Variants in RPL13 observed in about 807,000 individuals in gnomAD.
The protein encoded by RPL13 is ribosomal protein L13.
RPL13 carries 1 observed loss-of-function variant against 21.4 expected under a neutral mutation model. The observed-to-expected ratio is 0.05, with a 90% CI of 0.02 to 0.22. The LOEUF (loss-of-function observed/expected upper bound fraction) is 0.22, where lower values mean the gene tolerates loss of function less well. Among genes scored for constraint, RPL13 ranks in the 10% least tolerant of loss-of-function variants. The pLI, the probability that RPL13 is intolerant of heterozygous loss-of-function variation, is 1.00. For missense variants in RPL13, 289 were observed against 303.0 expected, an observed-to-expected ratio of 0.95 and a Z score of 0.34; for synonymous variants, 143 against 120.5, an observed-to-expected ratio of 1.19 and a Z score of -1.23.
chr16:89,562,435 T>G (rs1167943656), intron 5 of RPL13, 44 bp downstream of exon 5: 1 of 1,585,242 alleles, frequency 6.3e-7, no homozygotes, highest in Non-Finnish European at 8.6e-7. Flanking sequence ...ACGAGATCAG[T>G]GGGTGAACAC....
In RPL13 at chr16:89,560,729, C is replaced by G; in HGVS notation, c.-21+17C>G. The G allele has an allele frequency of 4.0e-6, 2 of 497,212 alleles. No individual in the cohort carries two copies. Among genetic ancestry groups the G allele is most frequent in the Non-Finnish European group, 7.1e-6 (2 of 282,902 alleles). 30.8% of individuals were successfully genotyped at this position (497,212 alleles called of 1,614,324 possible). A position where few individuals can be genotyped will look rare whatever the true frequency, so the allele number is the denominator to read the frequency against. On this transcript the variant is annotated intron_variant, in intron 1 of 5. Transcript: ENST00000311528. Reference sequence around the variant, plus strand: ...GCGCAGGAGGTGAGGGAGACTGGGTCCTGGCCTTTGGGCATCATCCAGCGC... The same window carrying G: ...GCGCAGGAGGTGAGGGAGACTGGGTGCTGGCCTTTGGGCATCATCCAGCGC...
At chr16:89,562,531 A>G (rs2058752963) in intron 5 of RPL13, 140 bp downstream of exon 5, 1 of 731,564 alleles carries the variant, frequency 1.4e-6, no homozygotes, top group Admixed American at 3.5e-5. Context: ...GCGGAAAGGA[A>G]CATTTCTTCT....
At position 89,561,573 on chromosome 16, in the gene RPL13, G is replaced by C. The variant is rs1326928321; in HGVS notation, c.247-5G>C. 4 of 1,613,296 alleles carry C rather than the reference G, an allele frequency of 2.5e-6. No homozygotes were observed. The highest frequency in any genetic ancestry group is 3.4e-6 in the Non-Finnish European group (4 of 1,180,034). On this transcript the variant is annotated splice_polypyrimidine_tract_variant and splice_region_variant and intron_variant, in intron 3 of 5. Transcript: ENST00000311528. ...TGTCTCCATCTCTCTCTGGTTCTGG[G>C]GCAGGTGGCCGGCATTCACAAGAAG...
rs1181129234 is a variant in RPL13, at chr16:89,564,328, T to C, written c.*1286T>C. 2 of 152,202 alleles carry C rather than the reference T, an allele frequency of 1.3e-5. No individual in the cohort carries two copies. Among genetic ancestry groups the C allele is most frequent in the Non-Finnish European group, 2.9e-5 (2 of 68,044 alleles). The allele number at this position is 152,202 out of a possible 1,614,324, so 9.4% of individuals were successfully genotyped here. A position where few individuals can be genotyped will look rare whatever the true frequency, so the allele number is the denominator to read the frequency against. On this transcript the variant is annotated 3_prime_UTR_variant, in exon 6 of 6. Coordinates refer to ENST00000311528, the MANE Select transcript of RPL13 (RefSeq NM_000977.4). ...AACATCTAAACATCTAGTAGATGAC[T>C]TGCAGGCTGTTGGCTACCAGTTTCC...
In RPL13 at chr16:89,563,013, G is replaced by A. The variant is rs754106693; in HGVS notation, c.607G>A (p.Ala203Thr). 1.4e-5 allele frequency: 22 copies of A among 1,560,312 alleles called. No individual in the cohort carries two copies. The highest frequency in any genetic ancestry group is 2.8e-5 in the African/African-American group (2 of 72,036). Reference sequence around the variant, plus strand: ...ACGGGCAAAAAGAGCCAAGGAAGCCGCAGAACAGGATGTTGAAAAGAAAAA... The same window carrying A: ...ACGGGCAAAAAGAGCCAAGGAAGCCACAGAACAGGATGTTGAAAAGAAAAA... ...GIRAKRAKEAAEQDVEKKK is the reference protein window; with the variant it reads ...GIRAKRAKEATEQDVEKKK The change falls in exon 6 of 6, where the codon GCA (alanine) becomes ACA (threonine). Residue 203 changes from alanine (A) to threonine (T), a missense_variant. Coordinates refer to ENST00000311528, the MANE Select transcript of RPL13 (RefSeq NM_000977.4).
At chr16:89,562,143 C>T in intron 4 of RPL13, 192 bp from the exon 5 acceptor site, 1 of 633,660 alleles carries the variant, frequency 1.6e-6, no homozygotes, top group East Asian at 2.9e-5. Flanking sequence ...CGTGTTGCGT[C>T]AACTCAGTAA....
downstream of RPL13, chr16:89,566,132 C>T (rs1327641502): frequency 6.8e-6 from 1 of 146,178 alleles, no homozygotes; most frequent in Non-Finnish European, 1.5e-5. Context: ...GGGGCAGCCT[C>T]CCACAGTGGG....
At chr16:89,560,867 G>A (rs982012574) in intron 1 of RPL13, 73 bp from the exon 2 acceptor site, 26 of 1,140,164 alleles carry the variant, frequency 2.3e-5, no homozygotes, top group African/African-American at 3.2e-5. Context: ...AGTCTGGAGG[G>A]TTCGGGGCGG....
At chr16:89,561,389 G>C in intron 3 of RPL13, 21 bp downstream of exon 3, 5 of 1,610,914 alleles carry the variant, frequency 3.1e-6, no homozygotes, top group South Asian at 2.2e-5. Flanking sequence ...GCAGCGCTGC[G>C]GTGTCAGGAA....
At chr16:89,564,823 A>T (rs1242374620), downstream of RPL13, 1 of 152,932 alleles carries the variant, frequency 6.5e-6, no homozygotes, top group Admixed American at 6.5e-5. Flanking sequence ...CTCCCTGCCC[A>T]CACCGCACTA....
downstream of RPL13, chr16:89,566,809 A>G (rs1458995214): frequency 2.0e-5 from 3 of 152,208 alleles, no homozygotes; most frequent in Non-Finnish European, 1.5e-5. Context: ...TGTTAAAAAT[A>G]TATGTAATTG....
chr16:89,565,172 A>T (rs1212101466), downstream of RPL13: 3 of 151,994 alleles, frequency 2.0e-5, no homozygotes, highest in Non-Finnish European at 4.4e-5. Flanking sequence ...CTAACAGGAG[A>T]GGATGGGCTT....
In RPL13 at chr16:89,561,070, C is replaced by T. The variant is rs755800828; in HGVS notation, c.104+7C>T. ...CGGCCCGTAAGATCCGCAGGTGAGC[C>T]CTGCGCTCGGGGCTGCCCCTGGGGC... On this transcript the variant is annotated splice_region_variant and intron_variant, in intron 2 of 5. Coordinates refer to ENST00000311528, the MANE Select transcript of RPL13 (RefSeq NM_000977.4). 1.4e-5 allele frequency: 23 copies of T among 1,601,468 alleles called. 1 individual carries two copies. In the Middle Eastern group the frequency reaches 1.4e-3, roughly 99 times the overall value.
At chr16:89,562,241 A>T (rs1260381917) in intron 4 of RPL13, 94 bp from the exon 5 acceptor site, 1 of 1,213,040 alleles carries the variant, frequency 8.2e-7, no homozygotes, top group East Asian at 2.3e-5. Context: ...GGTCCTGAAC[A>T]CGGAATCCCC....
At chr16:89,562,302 CA>C in intron 4 of RPL13, 32 bp from the exon 5 acceptor site, 1 of 1,610,024 alleles carries the variant, frequency 6.2e-7, no homozygotes, top group Non-Finnish European at 8.5e-7. Flanking sequence ...GCAGTGCGGC[CA>C]ACCCCACTTA....
At chr16:89,564,837 GA>G (rs1183456836), downstream of RPL13, 1 of 152,954 alleles carries the variant, frequency 6.5e-6, no homozygotes, top group Non-Finnish European at 1.5e-5. Flanking sequence ...CGCACTAGGG[GA>G]AGGGCCTTTC....
At chr16:89,566,621 T>C (rs1344220536), downstream of RPL13, 1 of 149,004 alleles carries the variant, frequency 6.7e-6, no homozygotes, top group Non-Finnish European at 1.5e-5. Flanking sequence ...CCGAGATCGC[T>C]CCACTGTCCT....
chr16:89,562,794 C>A, intron 5 of RPL13, 90 bp from the exon 6 acceptor site: 3 of 1,362,236 alleles, frequency 2.2e-6, no homozygotes, highest in South Asian at 3.4e-5. Flanking sequence ...GACCCCCAAT[C>A]CCCGGGAGGT....
rs750370803 is a variant in RPL13, at chr16:89,561,305, C to T, written c.183C>T (p.Cys61=). ...GTCCCATCCGGCCCATCGTGCGCTG[C>T]CCCACGGTTCGGTACCACACGAAGG... ...ASGPIRPIVR[C]PTVRYHTKVR... The change falls in exon 3 of 6, where the codon TGC becomes TGT. Residue 61 remains cysteine, a synonymous_variant. Transcript: ENST00000311528. The T allele has an allele frequency of 3.8e-6, 6 of 1,581,638 alleles. No individual in the cohort carries two copies. The highest frequency in any genetic ancestry group is 3.6e-5 in the Admixed American group (2 of 56,076).
Sources: allele counts gnomAD v4.1 joint callset, GRCh38; gene constraint gnomAD v4.1.1; transcripts MANE v1.5; gene names NCBI Gene and HGNC (gene_info 2026-07-23, HGNC 2026-07-21).